The following LDB1 variants were observed in gnomAD, a reference collection of about 807,000 sequenced individuals.
LDB1 encodes the protein LIM domain-binding protein 1.
A neutral mutation model predicts 49.7 loss-of-function variants in LDB1; 6 were observed. The ratio of observed to expected loss-of-function variants is 0.12; its 90% confidence interval spans 0.07 to 0.24. LDB1 has a LOEUF of 0.24. LDB1 is among the 10% of genes least tolerant of loss of function. The pLI, the probability that LDB1 is intolerant of heterozygous loss-of-function variation, is 1.00. For missense variants in LDB1, 341 were observed against 561.7 expected, an observed-to-expected ratio of 0.61 and a Z score of 3.97; for synonymous variants, 233 against 202.0, an observed-to-expected ratio of 1.15 and a Z score of -1.30.
At chr10:102,118,127 C>T (rs561722508) in intron 1 of LDB1, among the ~76,000 whole-genome samples, 1 of 152,120 alleles carries the variant, frequency 6.6e-6, no homozygotes, top group Non-Finnish European at 1.5e-5. Flanking sequence ...GCTGCCATGC[C>T]TTCCTTGTGT....
At chr10:102,120,533 C>G (rs1408582671), upstream of LDB1, 1 of 273,048 alleles carries the variant, frequency 3.7e-6, no homozygotes, top group African/African-American at 2.3e-5. Flanking sequence ...GCTAATTGTC[C>G]TGCTAGTGGG....
In LDB1 at chr10:102,109,783, G is replaced by A. The variant is rs1185949116; in HGVS notation, c.649-100C>T. 3.9e-6 allele frequency: 6 copies of A among 1,538,946 alleles called. No homozygotes were observed. The African/African-American group carries it at 8.2e-5, about 21-fold the overall frequency. Reference sequence around the variant, plus strand: ...ATTGTGACACTCCTGAGAGAGGATAGTCTCTTATTAAACCTGCTGTTCAGA... The same window carrying A: ...ATTGTGACACTCCTGAGAGAGGATAATCTCTTATTAAACCTGCTGTTCAGA... On this transcript the variant is annotated intron_variant, in intron 7 of 10. Coordinates refer to ENST00000673968, the MANE Select transcript of LDB1 (RefSeq NM_001113407.3). This position sits in a 1 kb window ranked among gnomAD's most constrained non-coding sequence, Gnocchi z 5.8.
At chr10:102,113,776 A>AC (rs1420843678) in intron 1 of LDB1, among the ~76,000 whole-genome samples, 1 of 152,126 alleles carries the variant, frequency 6.6e-6, no homozygotes, top group African/African-American at 2.4e-5. Context: ...AAAAAAAAAA[A>AC]AACTCTCAGA....
chr10:102,110,106 T>C, intron 6 of LDB1, 63 bp from the exon 7 acceptor site: 1 of 1,540,812 alleles, frequency 6.5e-7, no homozygotes. Flanking sequence ...GGTATGTCTA[T>C]TACAGTCTCC....
rs1250905570 is a variant in LDB1, at chr10:102,107,271, C to T, written c.*822G>A. 3.9e-5 allele frequency among the ~76,000 whole-genome samples: 6 copies of T among 152,100 alleles called. No individual in the cohort carries two copies. The highest frequency in any genetic ancestry group is 1.4e-4 in the African/African-American group (6 of 41,492). On this transcript the variant is annotated 3_prime_UTR_variant, in exon 11 of 11. Coordinates refer to ENST00000673968, the MANE Select transcript of LDB1 (RefSeq NM_001113407.3). The stretch of plus-strand genomic sequence containing the variant: ...AGTCACAAGCACTAGGAGGGCAGGC[C>T]AGAGTCCAGAGAATGGGGACACAGA...
upstream of LDB1, among the ~76,000 whole-genome samples, chr10:102,121,014 C>T (rs1174690614): frequency 6.6e-6 from 1 of 152,174 alleles, no homozygotes; most frequent in East Asian, 1.9e-4. Context: ...AACCCCTCAA[C>T]TCACCCCTTC....
In LDB1 at chr10:102,108,173, C is replaced by A. The variant is rs141161148; in HGVS notation, c.1156G>T (p.Ala386Ser). Residue 386 changes from alanine to serine, a missense_variant, in exon 11 of 11, where the codon GCC (alanine) becomes TCC (serine). Transcript: ENST00000673968. ...GGCTTGCTGTTCCAGGGGCTGTTGG[C>A]GCCCAGTGCAGGGGAGTTGTTAAAG... ...DSFNNSPALG[A>S]NSPWNSKPPS... The A allele has an allele frequency of 1.7e-5, 27 of 1,613,918 alleles. No homozygotes were observed. Among genetic ancestry groups the A allele is most frequent in the Non-Finnish European group, 1.9e-5 (22 of 1,179,988 alleles).
At chr10:102,119,407 C>G (rs1448275323) in intron 1 of LDB1, among the ~76,000 whole-genome samples, 1 of 151,616 alleles carries the variant, frequency 6.6e-6, no homozygotes, top group Non-Finnish European at 1.5e-5. Context: ...CTCTCAAGTT[C>G]TCAGTTTTGG....
At chr10:102,119,343 T>C (rs922960607) in intron 1 of LDB1, among the ~76,000 whole-genome samples, 1 of 143,382 alleles carries the variant, frequency 7.0e-6, no homozygotes, top group South Asian at 2.3e-4. Context: ...ACCTAGGCTA[T>C]CCCTGGCAAG....
downstream of LDB1, among the ~76,000 whole-genome samples, chr10:102,106,261 ACT>A: frequency 6.6e-6 from 1 of 151,662 alleles, no homozygotes; most frequent in Non-Finnish European, 1.5e-5. Context: ...GAGAAAGCCA[ACT>A]CTCCCTCAAC....
Position 102,109,425 on chromosome 10 carries a change from G to T in LDB1, c.815C>A (p.Thr272Asn), listed in dbSNP as rs1400823826. ...GCGCTGCCACTTCTGGAAAAGGCAG[G>T]TCTTGAGGCAGTCGCGGGGGCTGAG... ...YSLSPRDCLKTCLFQKWQRMV... is the reference protein window; with the variant it reads ...YSLSPRDCLKNCLFQKWQRMV... The change falls in exon 9 of 11, where the codon ACC becomes AAC. Residue 272 changes from threonine (T) to asparagine (N), a missense_variant. By Grantham distance (65) the Thr-to-Asn change is moderately conservative. Around this residue, in one of 5 missense-constraint regions of LDB1, gnomAD observed 233 missense variants for 385.7 expected, o/e 0.60. Coordinates refer to ENST00000673968, the MANE Select transcript of LDB1 (RefSeq NM_001113407.3). The surrounding 1 kb of genome is among the most constrained non-coding windows in gnomAD (Gnocchi z 5.8). The T allele has an allele frequency of 6.2e-7, 1 of 1,614,224 alleles. No homozygotes were observed. The highest frequency in any genetic ancestry group is 2.2e-5 in the East Asian group (1 of 44,890).
At position 102,117,942 on chromosome 10, in the gene LDB1, G is replaced by C. The variant is rs1564917010; in HGVS notation, c.25+2144C>G. Among the ~76,000 whole-genome samples, 1 of 152,102 alleles carries C rather than the reference G, an allele frequency of 6.6e-6. No homozygotes were observed. Among genetic ancestry groups the C allele is most frequent in the Non-Finnish European group, 1.5e-5 (1 of 68,016 alleles). Reference sequence around the variant, plus strand: ...TGGCTTCCCTCAGTCACATGTGTGGGGCATGTGCTGTCTCTGCCGGGCTGG... The same window carrying C: ...TGGCTTCCCTCAGTCACATGTGTGGCGCATGTGCTGTCTCTGCCGGGCTGG... On this transcript the variant is annotated intron_variant, in intron 1 of 10. Coordinates refer to ENST00000673968, the MANE Select transcript of LDB1 (RefSeq NM_001113407.3). This position sits in a 1 kb window ranked among gnomAD's most constrained non-coding sequence, Gnocchi z 4.2.
chr10:102,110,051 C>T lies in LDB1; in HGVS notation c.526-8G>A. On this transcript the variant is annotated splice_region_variant and splice_polypyrimidine_tract_variant and intron_variant, in intron 6 of 10. Coordinates refer to ENST00000673968, the MANE Select transcript of LDB1 (RefSeq NM_001113407.3). Reference sequence around the variant, plus strand: ...CCGGCCCTCCACACACACCTGGGGACAGGCTTGTCAGAACCCTGCCCCCTC... The same window carrying T: ...CCGGCCCTCCACACACACCTGGGGATAGGCTTGTCAGAACCCTGCCCCCTC... 1 of 1,610,360 alleles carries T rather than the reference C, an allele frequency of 6.2e-7. No homozygotes were observed. Among genetic ancestry groups the T allele is most frequent in the Non-Finnish European group, 8.5e-7 (1 of 1,177,628 alleles).
rs573412141 is a variant in LDB1 at position 102,109,785 on chromosome 10, C to T, written c.649-102G>A. ...TGTGACACTCCTGAGAGAGGATAGTCTCTTATTAAACCTGCTGTTCAGATG... is the reference window on the plus strand; with the variant it reads ...TGTGACACTCCTGAGAGAGGATAGTTTCTTATTAAACCTGCTGTTCAGATG... On this transcript the variant is annotated intron_variant, in intron 7 of 10. Coordinates refer to ENST00000673968, the MANE Select transcript of LDB1 (RefSeq NM_001113407.3). The surrounding 1 kb of genome is among the most constrained non-coding windows in gnomAD (Gnocchi z 5.8). 12 of 1,550,192 alleles carry T rather than the reference C, an allele frequency of 7.7e-6. 1 individual carries two copies. In the South Asian group the frequency reaches 1.0e-4, roughly 13 times the overall value.
chr10:102,102,390 G>A (rs2068128371), downstream of LDB1, among the ~76,000 whole-genome samples: 2 of 152,328 alleles, frequency 1.3e-5, no homozygotes, highest in South Asian at 4.1e-4. Context: ...AGTTGTTGGG[G>A]GTGATGGGGA....
At chr10:102,108,937 C>T (rs2068209426) in intron 10 of LDB1, 92 bp downstream of exon 10, 2 of 1,544,060 alleles carry the variant, frequency 1.3e-6, no homozygotes, top group Non-Finnish European at 1.8e-6. Context: ...ACTGTCTTTG[C>T]TTCTACGCCT....
At position 102,109,627 on chromosome 10, in the gene LDB1, C is replaced by T. The variant is rs765000743; in HGVS notation, c.705G>A (p.Leu235=). The T allele has an allele frequency of 1.9e-6, 3 of 1,614,098 alleles. No homozygotes were observed. Among genetic ancestry groups the T allele is most frequent in the Non-Finnish European group, 1.7e-6 (2 of 1,180,000 alleles). The change falls in exon 8 of 11, where the codon CTG becomes CTA. Residue 235 remains leucine (L), a synonymous_variant. Coordinates refer to ENST00000673968, the MANE Select transcript of LDB1 (RefSeq NM_001113407.3). The surrounding 1 kb of genome is among the most constrained non-coding windows in gnomAD (Gnocchi z 5.8). The part of the protein sequence containing the change: ...QLSKNITRCG[L]SNSTLNYLRL... ...GGAGGTAGTTGAGAGTGGAATTGGA[C>T]AGCCCACACCGAGTGATGTTTTTGG...
chr10:102,110,676 G>T lies in LDB1; in HGVS notation c.378C>A (p.Arg126=). ...RYTIGRTLIP[R]YFRSIFEGGA... ...CCCCCTCAAAGATGCTGCGGAAGTA[G>T]CGTGGGATCAGGGTCCGGCCAATGG... Residue 126 remains arginine (R), a synonymous_variant, in exon 6 of 11, where the codon CGC becomes CGA. Transcript: ENST00000673968. 6.2e-7 allele frequency: 1 copy of T among 1,613,716 alleles called. No individual in the cohort carries two copies. The highest frequency in any genetic ancestry group is 1.1e-5 in the South Asian group (1 of 91,058).
At position 102,111,554 on chromosome 10, in the gene LDB1, G is replaced by C; in HGVS notation, c.26-18C>G. ...GGAACAACCTAGACGAGAAAGAAAG[G>C]AGTCATAGCTGGGCGCGGTGGCTCA... On this transcript the variant is annotated intron_variant, in intron 1 of 10. Transcript: ENST00000673968. 6.8e-7 allele frequency: 1 copy of C among 1,478,210 alleles called. No individual in the cohort carries two copies. Among genetic ancestry groups the C allele is most frequent in the Non-Finnish European group, 9.1e-7 (1 of 1,099,656 alleles). The allele number at this position is 1,478,210 out of a possible 1,614,324, so 91.6% of individuals were successfully genotyped here.
Sources: gnomAD v4.1 joint callset for allele counts (sites outside exome capture counted in the v4.1 genomes callset) on GRCh38, gnomAD v4.1.1 for gene constraint, gnomAD v4.1.1 regional missense constraint, Gnocchi (gnomAD v3.1) non-coding constraint, MANE v1.5 for transcripts, NCBI Gene and HGNC (gene_info 2026-07-23, HGNC 2026-07-21) for gene names.